PRELID2: variants seen among roughly 807,000 people sequenced by gnomAD.
The protein encoded by PRELID2 is PRELI domain containing 2.
In PRELID2, 25 loss-of-function variants were observed where a neutral mutation model predicts 28.4. That is an observed-to-expected ratio of 0.88 (90% CI 0.64 to 1.23). The LOEUF (loss-of-function observed/expected upper bound fraction) is 1.23. PRELID2 is among the 50% of genes most tolerant of loss of function. PRELID2 has a pLI of 0.00. For missense variants in PRELID2, 201 were observed against 214.4 expected, an observed-to-expected ratio of 0.94 and a Z score of 0.39; for synonymous variants, 76 against 71.6, an observed-to-expected ratio of 1.06 and a Z score of -0.31.
chr5:145,432,833 T>A, the PRELID2 span, among the ~76,000 whole-genome samples: 1 of 152,268 alleles, frequency 6.6e-6, no homozygotes, highest in South Asian at 2.1e-4. Context: ...TATATAAATC[T>A]CTGAACCATG....
intron 1 of PRELID2, among the ~76,000 whole-genome samples, chr5:145,596,346 G>T (rs1580991738): frequency 6.6e-6 from 1 of 152,032 alleles, no homozygotes; most frequent in East Asian, 1.9e-4. Flanking sequence ...CTATTTTACA[G>T]ACAAGAAGCA....
intron 1 of PRELID2, among the ~76,000 whole-genome samples, chr5:145,622,321 T>C (rs1042460906): frequency 1.3e-5 from 2 of 152,148 alleles, no homozygotes; most frequent in Non-Finnish European, 2.9e-5. Flanking sequence ...GTAAATTGTA[T>C]GATATGTGAC....
chr5:145,705,624 G>T (rs1034349655), intron 1 of PRELID2, among the ~76,000 whole-genome samples: 10 of 152,124 alleles, frequency 6.6e-5, no homozygotes, highest in African/African-American at 2.2e-4. Flanking sequence ...TTATACCGGG[G>T]TCAACAAATA....
At chr5:145,447,941 T>C in the PRELID2 span, among the ~76,000 whole-genome samples, 58,342 of 151,268 alleles carry the variant, frequency 0.39, 11,552 homozygotes, top group Non-Finnish European at 0.43. Flanking sequence ...TACATGTGCA[T>C]GTGTCTTTAT....
At chr5:145,591,721 A>G (rs1580988744) in intron 1 of PRELID2, among the ~76,000 whole-genome samples, 1 of 152,234 alleles carries the variant, frequency 6.6e-6, no homozygotes, top group Middle Eastern at 3.4e-3. Context: ...TATGTGAGGG[A>G]CCCTCCCAGG....
intron 1 of PRELID2, among the ~76,000 whole-genome samples, chr5:145,504,885 G>C (rs772531711): frequency 7.2e-5 from 11 of 152,054 alleles, no homozygotes; most frequent in Non-Finnish European, 1.3e-4. Flanking sequence ...GAACCACACA[G>C]ACTTTCTCCA....
At chr5:145,374,999 A>T in the PRELID2 span, among the ~76,000 whole-genome samples, 1 of 152,006 alleles carries the variant, frequency 6.6e-6, no homozygotes, top group Non-Finnish European at 1.5e-5. Flanking sequence ...CATCCATCTC[A>T]TCCTCCATCC....
chr5:145,364,983 A>G, the PRELID2 span, among the ~76,000 whole-genome samples: 1 of 151,994 alleles, frequency 6.6e-6, no homozygotes, highest in Admixed American at 6.6e-5. Context: ...GTCAGAAAGG[A>G]TTTTTATTGA....
Position 145,662,022 on chromosome 5 carries a change from T to C in PRELID2, n.70+102909A>G, listed in dbSNP as rs553202802. Among the ~76,000 whole-genome samples the C allele has an allele frequency of 2.6e-5, 4 of 152,096 alleles. No individual in the cohort carries two copies. In the East Asian group the frequency reaches 7.8e-4, roughly 30 times the overall value. ...AAGAAATGCCTAAGCTAGATGAATATACAGGATTCTGTTTCCAAATCATTT... is the reference window on the plus strand; with the variant it reads ...AAGAAATGCCTAAGCTAGATGAATACACAGGATTCTGTTTCCAAATCATTT... On this transcript the variant is annotated intron_variant and non_coding_transcript_variant, in intron 1 of 2. Coordinates refer to the PRELID2 transcript ENST00000510259.
At chr5:145,518,498 A>T (rs1752538485) in intron 1 of PRELID2, among the ~76,000 whole-genome samples, 2 of 152,164 alleles carry the variant, frequency 1.3e-5, no homozygotes, top group Non-Finnish European at 2.9e-5. Context: ...ACGCCCGGCC[A>T]TGAGTGCACG....
At chr5:145,821,152 G>GGT (rs70998038) in intron 2 of PRELID2, among the ~76,000 whole-genome samples, 2,589 of 88,258 alleles carry the variant, frequency 0.029, 206 homozygotes, top group African/African-American at 0.074. Flanking sequence ...AACTCTCCTG[G>GGT]GTGTGTGTGT....
the PRELID2 span, among the ~76,000 whole-genome samples, chr5:145,408,131 A>C: frequency 1.3e-5 from 2 of 152,060 alleles, no homozygotes; most frequent in Non-Finnish European, 2.9e-5. Flanking sequence ...ACCCCATGGC[A>C]GAAAAAAAAA....
the PRELID2 span, among the ~76,000 whole-genome samples, chr5:145,279,416 C>A: frequency 6.6e-6 from 1 of 152,264 alleles, no homozygotes; most frequent in East Asian, 1.9e-4. Flanking sequence ...TGAGTTCTTT[C>A]ACTTGGTGAT....
chr5:145,793,319 GA>G (rs1025918247), intron 5 of PRELID2, among the ~76,000 whole-genome samples: 1 of 151,870 alleles, frequency 6.6e-6, no homozygotes. Context: ...GATTTTTCTG[GA>G]AAAAAATAGA....
chr5:145,713,644 A>G (rs1755763879), intron 1 of PRELID2, among the ~76,000 whole-genome samples: 1 of 96,160 alleles, frequency 1.0e-5, no homozygotes, highest in Non-Finnish European at 2.0e-5. Context: ...ATTTATATAT[A>G]CTATATATAA....
chr5:145,618,368 A>G (rs1232193087), intron 1 of PRELID2, among the ~76,000 whole-genome samples: 5 of 152,112 alleles, frequency 3.3e-5, no homozygotes, highest in African/African-American at 7.2e-5. Flanking sequence ...TTGTCCCACA[A>G]TTTGTTCCCT....
intron 1 of PRELID2, among the ~76,000 whole-genome samples, chr5:145,732,595 C>G (rs1432017070): frequency 6.6e-6 from 1 of 152,122 alleles, no homozygotes. Flanking sequence ...GTCACATGAG[C>G]CTGACATTCA....
intron 1 of PRELID2, among the ~76,000 whole-genome samples, chr5:145,528,712 C>G (rs1011809735): frequency 2.3e-5 from 3 of 129,822 alleles, no homozygotes; most frequent in Non-Finnish European, 4.8e-5. Context: ...CACACACACA[C>G]ACACACACAC....
chr5:145,410,480 T>A, the PRELID2 span, among the ~76,000 whole-genome samples: 1 of 152,052 alleles, frequency 6.6e-6, no homozygotes, highest in South Asian at 2.1e-4. Flanking sequence ...TAAAAAAACG[T>A]TTAATTGACT....
Sources: allele counts gnomAD v4.1 joint callset (sites outside exome capture counted in the v4.1 genomes callset), GRCh38; gene constraint gnomAD v4.1.1; transcripts MANE v1.5; gene names NCBI Gene and HGNC (gene_info 2026-07-23, HGNC 2026-07-21).